EDIL3: variants seen among roughly 807,000 people sequenced by gnomAD.
EDIL3 encodes the protein EGF like and discoidin domains 3.
A neutral mutation model predicts 67.4 loss-of-function variants in EDIL3; 37 were observed. The ratio of observed to expected loss-of-function variants is 0.55; its 90% confidence interval spans 0.42 to 0.72. The LOEUF (loss-of-function observed/expected upper bound fraction) is 0.72, where lower values mean the gene tolerates loss of function less well. EDIL3 is among the 30% of genes least tolerant of loss of function. EDIL3 has a pLI of 0.00. For synonymous variants in EDIL3, 195 were observed against 196.3 expected (o/e 0.99, Z 0.05); for missense variants, 527 against 586.3 (o/e 0.90, Z 1.04).
intron 2 of EDIL3, among the ~76,000 whole-genome samples, chr5:84,230,798 T>TGTGTGTGTGTGA (rs1491220256): frequency 7.1e-4 from 107 of 150,594 alleles, no homozygotes; most frequent in Non-Finnish European, 1.1e-3. Flanking sequence ...TGTGTGTGTG[T>TGTGTGTGTGTGA]GACATACACA....
Position 84,192,195 on chromosome 5 carries a change from A to G in EDIL3, c.227-11674T>C, listed in dbSNP as rs140520056. 6.0e-3 allele frequency among the ~76,000 whole-genome samples: 909 copies of G among 152,108 alleles called. 11 individuals carry two copies. Among genetic ancestry groups the G allele is most frequent in the African/African-American group, 0.021 (872 of 41,540 alleles). On this transcript the variant is annotated intron_variant, in intron 3 of 10. Coordinates refer to ENST00000296591, the MANE Select transcript of EDIL3 (RefSeq NM_005711.5). Reference sequence around the variant, plus strand: ...GAATGGATGCTTAATGATGCATCCAATAAACTATATTATTGGGATAGTGTC... The same window carrying G: ...GAATGGATGCTTAATGATGCATCCAGTAAACTATATTATTGGGATAGTGTC...
chr5:84,289,462 C>T (rs1745872410), intron 1 of EDIL3, among the ~76,000 whole-genome samples: 2 of 152,130 alleles, frequency 1.3e-5, no homozygotes, highest in South Asian at 4.1e-4. Flanking sequence ...TCTTAACGAG[C>T]TCTTTCTGCT....
At chr5:84,218,362 A>G (rs182035571) in intron 3 of EDIL3, among the ~76,000 whole-genome samples, 1 of 152,342 alleles carries the variant, frequency 6.6e-6, no homozygotes, top group East Asian at 1.9e-4. Context: ...TATAGTCAGC[A>G]GTTCCTCAGA....
intron 5 of EDIL3, among the ~76,000 whole-genome samples, chr5:84,114,219 A>C (rs1052548697): frequency 1.4e-5 from 2 of 142,876 alleles, no homozygotes; most frequent in East Asian, 4.1e-4. Flanking sequence ...GATTTCTCTC[A>C]AGGCTATCAT....
At chr5:84,005,002 A>G (rs1745388174) in intron 9 of EDIL3, among the ~76,000 whole-genome samples, 1 of 152,108 alleles carries the variant, frequency 6.6e-6, no homozygotes, top group South Asian at 2.1e-4. Flanking sequence ...AATGACAACG[A>G]TGCCATTACA....
At chr5:84,113,467 AGCAGC>A (rs1747608877) in intron 5 of EDIL3, among the ~76,000 whole-genome samples, 1 of 152,176 alleles carries the variant, frequency 6.6e-6, no homozygotes, top group African/African-American at 2.4e-5. Context: ...GTTGAGCAGG[AGCAGC>A]TGGGCTAGCT....
chr5:83,946,248 T>C (rs1302233636), intron 10 of EDIL3, among the ~76,000 whole-genome samples: 1 of 151,930 alleles, frequency 6.6e-6, no homozygotes, highest in Non-Finnish European at 1.5e-5. Context: ...CACAGTTCAA[T>C]TTAGAATTTT....
intron 3 of EDIL3, among the ~76,000 whole-genome samples, chr5:84,223,851 T>TG (rs1744397609): frequency 6.6e-6 from 1 of 151,554 alleles, no homozygotes; most frequent in Non-Finnish European, 1.5e-5. Context: ...TTACTATATA[T>TG]ATGTATTTAA....
At chr5:84,201,733 G>C (rs551429053) in intron 3 of EDIL3, among the ~76,000 whole-genome samples, 1 of 152,126 alleles carries the variant, frequency 6.6e-6, no homozygotes, top group Non-Finnish European at 1.5e-5. Flanking sequence ...ATTCCCAGAA[G>C]TTAAAGAATG....
chr5:84,369,246 A>ATACACACG (rs1747798084), intron 1 of EDIL3, among the ~76,000 whole-genome samples: 1 of 45,868 alleles, frequency 2.2e-5, no homozygotes, highest in Non-Finnish European at 5.5e-5. Flanking sequence ...ACACACACAT[A>ATACACACG]TAAATATACA....
At chr5:84,075,805 C>G (rs1002564609) in intron 6 of EDIL3, among the ~76,000 whole-genome samples, 16 of 151,828 alleles carry the variant, frequency 1.1e-4, no homozygotes, top group Non-Finnish European at 1.5e-4. Flanking sequence ...TACACTAGTT[C>G]TCAACCATAT....
chr5:84,147,701 AT>A (rs1016840100), intron 4 of EDIL3, among the ~76,000 whole-genome samples: 6 of 151,300 alleles, frequency 4.0e-5, no homozygotes, highest in Non-Finnish European at 4.4e-5. Context: ...GTTCAATTAC[AT>A]TTTTTTTCTT....
At chr5:83,959,462 A>G (rs1441096448) in intron 10 of EDIL3, among the ~76,000 whole-genome samples, 1 of 151,064 alleles carries the variant, frequency 6.6e-6, no homozygotes, top group African/African-American at 2.4e-5. Flanking sequence ...AATAAAAACA[A>G]ACAGCACAAA....
At position 84,188,497 on chromosome 5, in the gene EDIL3, C is replaced by T. The variant is rs147220116; in HGVS notation, c.227-7976G>A. On this transcript the variant is annotated intron_variant, in intron 3 of 10. Transcript: ENST00000296591. Reference sequence around the variant, plus strand: ...ATAAGAACTCACCATAAATCTAATACGTCTTCATCTTTAGATCCTTAACAA... The same window carrying T: ...ATAAGAACTCACCATAAATCTAATATGTCTTCATCTTTAGATCCTTAACAA... 5.3e-4 allele frequency among the ~76,000 whole-genome samples: 80 copies of T among 152,000 alleles called. 1 individual carries two copies. The East Asian group carries it at 0.011, about 21-fold the overall frequency.
chr5:84,346,632 T>C (rs1448859718), intron 1 of EDIL3, among the ~76,000 whole-genome samples: 1 of 152,234 alleles, frequency 6.6e-6, no homozygotes, highest in Admixed American at 6.5e-5. Context: ...GGAATCCTGC[T>C]TTCAACTTTT....
At chr5:84,137,917 T>C (rs573224253) in intron 4 of EDIL3, among the ~76,000 whole-genome samples, 1 of 152,332 alleles carries the variant, frequency 6.6e-6, no homozygotes. Context: ...CCTAATCTCA[T>C]TCAAGGATTT....
chr5:84,103,277 C>T (rs1022912041), intron 6 of EDIL3, among the ~76,000 whole-genome samples: 1 of 152,008 alleles, frequency 6.6e-6, no homozygotes, highest in African/African-American at 2.4e-5. Flanking sequence ...TGAAAGACAA[C>T]CTAGGCAATA....
chr5:84,206,216 A>C (rs1038514710), intron 3 of EDIL3, among the ~76,000 whole-genome samples: 6 of 151,772 alleles, frequency 4.0e-5, no homozygotes, highest in African/African-American at 1.5e-4. Context: ...CATGTAGTTG[A>C]GTGGTTTTGA....
intron 9 of EDIL3, among the ~76,000 whole-genome samples, chr5:84,051,812 A>C (rs887964021): frequency 1.1e-4 from 17 of 152,250 alleles, no homozygotes; most frequent in Admixed American, 1.0e-3. Context: ...GACTATGTGA[A>C]AAGACCAAAT....
Sources: gnomAD v4.1 joint callset for allele counts (sites outside exome capture counted in the v4.1 genomes callset) on GRCh38, gnomAD v4.1.1 for gene constraint, MANE v1.5 for transcripts, NCBI Gene and HGNC (gene_info 2026-07-23, HGNC 2026-07-21) for gene names.